ITIH5: variants seen among roughly 807,000 people sequenced by gnomAD.
ITIH5 encodes the protein inter-alpha-trypsin inhibitor heavy chain H5.
Under a neutral mutation model 77.5 loss-of-function variants are expected in ITIH5, and 65 were observed. The observed-to-expected ratio is 0.84, with a 90% confidence interval of 0.69 to 1.03. The LOEUF is 1.03. ITIH5 is among the 50% of genes least tolerant of loss of function. The probability of loss-of-function intolerance (pLI) is 0.00; values close to 1 mark genes in which losing one functional copy is unlikely to be tolerated. For missense variants in ITIH5, 1,208 were observed against 1,213.1 expected (o/e 1.00, Z 0.06); for synonymous variants, 525 against 494.3 (o/e 1.06, Z -0.82).
intron 2 of ITIH5, among the ~76,000 whole-genome samples, chr10:7,647,079 T>C (rs950664069): frequency 6.6e-6 from 1 of 152,220 alleles, no homozygotes; most frequent in East Asian, 1.9e-4. Flanking sequence ...TGCATAGTAT[T>C]ACATTTTATG....
intron 4 of ITIH5, among the ~76,000 whole-genome samples, chr10:7,639,445 T>C (rs946814302): frequency 6.6e-6 from 1 of 152,236 alleles, no homozygotes; most frequent in African/African-American, 2.4e-5. Flanking sequence ...CTTTTCTGTA[T>C]CAAAGTGAAC....
Position 7,561,953 on chromosome 10 carries a change from T to A in ITIH5, c.*1130A>T, listed in dbSNP as rs1832048299. The A allele has an allele frequency of 1.3e-5, 2 of 152,206 alleles. No homozygotes were observed. The highest frequency in any genetic ancestry group is 6.5e-5 in the Admixed American group (1 of 15,286). The allele number at this position is 152,206 out of a possible 1,614,324, so 9.4% of individuals were successfully genotyped here. On this transcript the variant is annotated 3_prime_UTR_variant, in exon 14 of 14. Transcript: ENST00000397146. ...GTTCATTGACTCTGGAAGTCCCCTC[T>A]CATCTTAACCTTTTCCTTAAGGCAT...
intron 7 of ITIH5, among the ~76,000 whole-genome samples, chr10:7,606,941 GA>G (rs1163623478): frequency 6.6e-6 from 1 of 152,006 alleles, no homozygotes; most frequent in East Asian, 1.9e-4. Flanking sequence ...ATGGCCTAGG[GA>G]AAAAATATTT....
At position 7,666,911 on chromosome 10, in the gene ITIH5, G is replaced by C; in HGVS notation, c.-19C>G. 1 of 1,572,858 alleles carries C rather than the reference G, an allele frequency of 6.4e-7. No individual in the cohort carries two copies. Among genetic ancestry groups the C allele is most frequent in the Non-Finnish European group, 8.6e-7 (1 of 1,161,278 alleles). On this transcript the variant is annotated 5_prime_UTR_variant, in exon 1 of 14. Transcript: ENST00000397146. ...GGAGCATGGCGGGGCGAGGGCGCGG[G>C]ACGCTCGGGGACCCGGCGGGACACG...
chr10:7,586,594 G>C (rs1222830698), intron 7 of ITIH5, among the ~76,000 whole-genome samples: 1 of 152,136 alleles, frequency 6.6e-6, no homozygotes, highest in African/African-American at 2.4e-5. Context: ...TTTGCAGGAG[G>C]GTCTCCTTCA....
chr10:7,655,660 G>A lies in ITIH5; in HGVS notation c.106C>T (p.Pro36Ser), dbSNP rs757623978. 1.2e-6 allele frequency: 2 copies of A among 1,612,782 alleles called. No individual in the cohort carries two copies. Among genetic ancestry groups the A allele is most frequent in the African/African-American group, 1.3e-5 (1 of 75,006 alleles). ...HSSEQDGLRV[P>S]RQVRLLQRLK... The stretch of plus-strand genomic sequence containing the variant: ...CTCTGCAACAGTCTGACTTGCCTCG[G>A]GACCCTGAGTCCATCCTAGAAAAGA... Residue 36 changes from proline (P) to serine (S), a missense_variant, in exon 2 of 14, where the codon CCG becomes TCG. Coordinates refer to ENST00000397146, the MANE Select transcript of ITIH5 (RefSeq NM_030569.7).
chr10:7,613,024 T>C (rs957698557), intron 7 of ITIH5, among the ~76,000 whole-genome samples: 8 of 152,080 alleles, frequency 5.3e-5, no homozygotes, highest in Admixed American at 2.6e-4. Context: ...GTGGGCAGAT[T>C]ACCTGAGGTT....
intron 4 of ITIH5, among the ~76,000 whole-genome samples, chr10:7,638,789 A>G (rs1031464634): frequency 1.3e-5 from 2 of 152,214 alleles, no homozygotes; most frequent in Non-Finnish European, 2.9e-5. Context: ...TCATGGATAT[A>G]AAGACATCCA....
At chr10:7,604,851 G>T (rs1833090584) in intron 7 of ITIH5, among the ~76,000 whole-genome samples, 1 of 151,824 alleles carries the variant, frequency 6.6e-6, no homozygotes, top group South Asian at 2.1e-4. Context: ...TTTTTGAATG[G>T]AGTCTGTGTC....
At chr10:7,636,282 A>C (rs1833797239) in intron 5 of ITIH5, among the ~76,000 whole-genome samples, 1 of 152,204 alleles carries the variant, frequency 6.6e-6, no homozygotes, top group African/African-American at 2.4e-5. Flanking sequence ...AAATTTAAAA[A>C]TCAGAATAAT....
intron 5 of ITIH5, among the ~76,000 whole-genome samples, chr10:7,633,985 A>T (rs1032837024): frequency 1.9e-4 from 27 of 144,546 alleles, no homozygotes; most frequent in Non-Finnish European, 4.5e-5. Context: ...GCTGCTCGGG[A>T]GGCTGAGGCA....
Position 7,632,720 on chromosome 10 carries a change from C to T in ITIH5, c.652+4508G>A, listed in dbSNP as rs141612770. Among the ~76,000 whole-genome samples, 544 of 152,194 alleles carry T rather than the reference C, an allele frequency of 3.6e-3. 3 individuals are homozygous for T. Among genetic ancestry groups the T allele is most frequent in the Non-Finnish European group, 4.8e-3 (326 of 67,998 alleles). ...GCTAGGGTAGGACTTGTCTAGAGTACGTTGTCTGGAATTCTTTCTAAACCC... is the reference window on the plus strand; with the variant it reads ...GCTAGGGTAGGACTTGTCTAGAGTATGTTGTCTGGAATTCTTTCTAAACCC... On this transcript the variant is annotated intron_variant, in intron 5 of 13. Coordinates refer to ENST00000397146, the MANE Select transcript of ITIH5 (RefSeq NM_030569.7).
intron 5 of ITIH5, among the ~76,000 whole-genome samples, chr10:7,633,293 A>G (rs950469542): frequency 2.6e-5 from 4 of 152,248 alleles, no homozygotes; most frequent in Admixed American, 6.5e-5. Context: ...ATAATGTTTC[A>G]TCTTCCAAAA....
intron 1 of ITIH5, among the ~76,000 whole-genome samples, chr10:7,661,436 A>G (rs1472885656): frequency 6.6e-6 from 1 of 152,230 alleles, no homozygotes; most frequent in African/African-American, 2.4e-5. Flanking sequence ...GATCTGCTAT[A>G]GGACCTGGAA....
chr10:7,628,667 ATG>A (rs1470752354), intron 5 of ITIH5, among the ~76,000 whole-genome samples: 1 of 63,518 alleles, frequency 1.6e-5, no homozygotes, highest in African/African-American at 7.6e-5. Flanking sequence ...GGGTTGTCAC[ATG>A]TGTCCATGTT....
intron 7 of ITIH5, among the ~76,000 whole-genome samples, chr10:7,606,652 T>A (rs1434922626): frequency 6.6e-6 from 1 of 152,198 alleles, no homozygotes; most frequent in Non-Finnish European, 1.5e-5. Context: ...AGCTGGGTGA[T>A]GAAATAATCT....
intron 8 of ITIH5, among the ~76,000 whole-genome samples, chr10:7,582,210 T>C (rs1255272657): frequency 6.6e-6 from 1 of 152,158 alleles, no homozygotes; most frequent in Non-Finnish European, 1.5e-5. Context: ...ATGATTAAAA[T>C]AAATCAGACA....
At chr10:7,640,276 GCCTGGGC>G (rs1833863547) in intron 4 of ITIH5, among the ~76,000 whole-genome samples, 1 of 151,368 alleles carries the variant, frequency 6.6e-6, no homozygotes, top group Admixed American at 6.6e-5. Context: ...TTTGAGATTA[GCCTGGGC>G]AATGTAGCAA....
chr10:7,595,335 G>A (rs1217026777), intron 7 of ITIH5, among the ~76,000 whole-genome samples: 20 of 80,158 alleles, frequency 2.5e-4, no homozygotes, highest in Admixed American at 2.2e-3. Context: ...CTTAGTAAAC[G>A]GAAAGAATAT....
Sources: gnomAD v4.1 joint callset for allele counts (sites outside exome capture counted in the v4.1 genomes callset) on GRCh38, gnomAD v4.1.1 for gene constraint, MANE v1.5 for transcripts, NCBI Gene and HGNC (gene_info 2026-07-23, HGNC 2026-07-21) for gene names.